The following CNTN4 variants were observed in gnomAD, a reference collection of about 807,000 sequenced individuals.
CNTN4 encodes contactin-4.
CNTN4 carries 77 observed loss-of-function variants against 122.5 expected under a neutral mutation model. The observed-to-expected ratio is 0.63, with a 90% confidence interval of 0.52 to 0.76. The LOEUF (loss-of-function observed/expected upper bound fraction) is 0.76, where lower values mean the gene tolerates loss of function less well. CNTN4 is among the 30% of genes least tolerant of loss of function. The probability of loss-of-function intolerance (pLI) is 0.00; values close to 1 mark genes in which losing one functional copy is unlikely to be tolerated. For missense variants in CNTN4, 1,256 were observed against 1,259.1 expected, an observed-to-expected ratio of 1.00 and a Z score of 0.04; for synonymous variants, 512 against 447.0, an observed-to-expected ratio of 1.15 and a Z score of -1.83.
intron 14 of CNTN4, among the ~76,000 whole-genome samples, chr3:3,011,673 C>A (rs1697243699): frequency 6.6e-6 from 1 of 152,172 alleles, no homozygotes; most frequent in Non-Finnish European, 1.5e-5. Flanking sequence ...TAGTAGCTGT[C>A]ATTTTTGTTT....
At chr3:2,813,749 A>G (rs866114466) in intron 6 of CNTN4, among the ~76,000 whole-genome samples, 2 of 152,162 alleles carry the variant, frequency 1.3e-5, no homozygotes, top group Non-Finnish European at 2.9e-5. Flanking sequence ...CTAGACTATA[A>G]TCAGGTATTT....
At chr3:2,638,485 C>G (rs760904888) in intron 4 of CNTN4, among the ~76,000 whole-genome samples, 1 of 151,660 alleles carries the variant, frequency 6.6e-6, no homozygotes, top group Non-Finnish European at 1.5e-5. Context: ...AATGAAGAAA[C>G]ATTTATCTTT....
intron 4 of CNTN4, among the ~76,000 whole-genome samples, chr3:2,587,293 T>C (rs1197216772): frequency 6.6e-6 from 1 of 152,108 alleles, no homozygotes; most frequent in Non-Finnish European, 1.5e-5. Context: ...AAAGAGTAAA[T>C]AATAAAAATG....
At chr3:2,892,930 T>C (rs1040646692) in intron 10 of CNTN4, among the ~76,000 whole-genome samples, 1 of 152,218 alleles carries the variant, frequency 6.6e-6, no homozygotes, top group Non-Finnish European at 1.5e-5. Context: ...CAGCTAGAAC[T>C]GCTTTTTTCT....
intron 2 of CNTN4, among the ~76,000 whole-genome samples, chr3:2,189,918 A>G (rs554273892): frequency 6.6e-6 from 1 of 152,296 alleles, no homozygotes; most frequent in South Asian, 2.1e-4. Flanking sequence ...ATGACTTTAG[A>G]GACTCATCAT....
chr3:2,520,550 A>G (rs1418878568), intron 3 of CNTN4, among the ~76,000 whole-genome samples: 3 of 152,092 alleles, frequency 2.0e-5, no homozygotes, highest in Non-Finnish European at 4.4e-5. Flanking sequence ...CTAAGATTAC[A>G]GGCATGAGTC....
At chr3:2,682,665 T>A (rs2085223989) in intron 4 of CNTN4, among the ~76,000 whole-genome samples, 1 of 152,048 alleles carries the variant, frequency 6.6e-6, no homozygotes, top group Non-Finnish European at 1.5e-5. Context: ...CTGGAATGGG[T>A]TAATTAAAGA....
At chr3:2,489,515 G>C (rs1175883401) in intron 3 of CNTN4, among the ~76,000 whole-genome samples, 2 of 152,150 alleles carry the variant, frequency 1.3e-5, no homozygotes, top group Non-Finnish European at 2.9e-5. Context: ...AAACACAGAA[G>C]GTATTTCTTA....
At chr3:2,127,655 A>G (rs2034243906) in intron 2 of CNTN4, among the ~76,000 whole-genome samples, 1 of 151,994 alleles carries the variant, frequency 6.6e-6, no homozygotes, top group Non-Finnish European at 1.5e-5. Context: ...CCATTACAGA[A>G]GGATCAGATT....
chr3:2,445,321 T>G (rs751377264), intron 3 of CNTN4, among the ~76,000 whole-genome samples: 10 of 152,148 alleles, frequency 6.6e-5, no homozygotes, highest in Non-Finnish European at 1.3e-4. Flanking sequence ...ATTCTTGGGA[T>G]TCCTCTCTCA....
chr3:2,734,730 C>G (rs2088958205), intron 4 of CNTN4, among the ~76,000 whole-genome samples: 1 of 148,678 alleles, frequency 6.7e-6, no homozygotes, highest in South Asian at 2.1e-4. Context: ...CCCAAACCAA[C>G]TTTATTCTTT....
chr3:2,466,825 C>G (rs920829594), intron 3 of CNTN4, among the ~76,000 whole-genome samples: 4 of 152,026 alleles, frequency 2.6e-5, no homozygotes, highest in African/African-American at 9.7e-5. Context: ...TTTTTAATAA[C>G]AGGAAGTGTT....
chr3:2,322,564 T>A (rs894556847), intron 2 of CNTN4, among the ~76,000 whole-genome samples: 3 of 151,976 alleles, frequency 2.0e-5, no homozygotes, highest in African/African-American at 7.2e-5. Flanking sequence ...GGGTACAGAT[T>A]TTCTATTGGG....
At chr3:2,529,179 C>T (rs1312552253) in intron 3 of CNTN4, among the ~76,000 whole-genome samples, 1 of 152,090 alleles carries the variant, frequency 6.6e-6, no homozygotes, top group Non-Finnish European at 1.5e-5. Flanking sequence ...TTCTTAGCTT[C>T]TACACAGGAG....
At chr3:2,260,181 G>A (rs1344196980) in intron 2 of CNTN4, among the ~76,000 whole-genome samples, 1 of 152,052 alleles carries the variant, frequency 6.6e-6, no homozygotes. Flanking sequence ...ATGAAATCCT[G>A]TAGCTGAAGT....
intron 3 of CNTN4, among the ~76,000 whole-genome samples, chr3:2,411,635 GCTGC>G (rs927093948): frequency 1.3e-5 from 2 of 152,130 alleles, no homozygotes; most frequent in Non-Finnish European, 2.9e-5. Flanking sequence ...TTCCCTGCCT[GCTGC>G]CTGCCTGCCT....
chr3:3,020,915 C>T (rs1191414891), intron 14 of CNTN4, among the ~76,000 whole-genome samples: 1 of 152,172 alleles, frequency 6.6e-6, no homozygotes, highest in South Asian at 2.1e-4. Flanking sequence ...ATCCAAAACA[C>T]GTTCCTAGTA....
intron 3 of CNTN4, among the ~76,000 whole-genome samples, chr3:2,505,521 G>A (rs531231887): frequency 6.6e-6 from 1 of 152,024 alleles, no homozygotes; most frequent in Non-Finnish European, 1.5e-5. Context: ...TTATACATTT[G>A]CTTTATTTTT....
At chr3:2,320,784 G>C (rs17786807) in intron 2 of CNTN4, among the ~76,000 whole-genome samples, 30,195 of 151,948 alleles carry the variant, frequency 0.2, 3,387 homozygotes, top group Non-Finnish European at 0.25. Flanking sequence ...ATACATGAGT[G>C]CACATTTGGT....
Sources: gnomAD v4.1 joint callset for allele counts (sites outside exome capture counted in the v4.1 genomes callset) on GRCh38, gnomAD v4.1.1 for gene constraint, MANE v1.5 for transcripts, NCBI Gene and HGNC (gene_info 2026-07-23, HGNC 2026-07-21) for gene names.